ADAMTS17: variants seen among roughly 807,000 people sequenced by gnomAD.
ADAMTS17 encodes the protein ADAM metallopeptidase with thrombospondin type 1 motif 17.
Under a neutral mutation model 141.5 loss-of-function variants are expected in ADAMTS17, and 113 were observed. The ratio of observed to expected loss-of-function variants is 0.80; its 90% CI spans 0.69 to 0.93. The LOEUF (loss-of-function observed/expected upper bound fraction) is 0.93, where lower values mean the gene tolerates loss of function less well. Ranked by LOEUF, ADAMTS17 falls within the 40% of genes least tolerant of loss-of-function variation. The pLI, the probability that ADAMTS17 is intolerant of heterozygous loss-of-function variation, is 0.00. For missense variants in ADAMTS17, 1,659 were observed against 1,517.9 expected (o/e 1.09, Z -1.54); for synonymous variants, 768 against 630.6 (o/e 1.22, Z -3.27).
chr15:100,258,165 T>C (rs533606532), intron 6 of ADAMTS17, among the ~76,000 whole-genome samples: 9 of 152,376 alleles, frequency 5.9e-5, no homozygotes, highest in Admixed American at 2.6e-4. Flanking sequence ...TCATGAATAA[T>C]GTTGCTGTGA....
chr15:100,013,006 C>A lies in ADAMTS17; in HGVS notation c.2592-15417G>T, dbSNP rs566454317. Among the ~76,000 whole-genome samples the A allele has an allele frequency of 1.6e-4, 25 of 152,258 alleles. No individual in the cohort carries two copies. In the East Asian group the frequency reaches 4.8e-3, roughly 29 times the overall value. On this transcript the variant is annotated intron_variant, in intron 18 of 21. Transcript: ENST00000268070. Reference sequence around the variant, plus strand: ...GGTCATTTTCACAATATTGATTCTACCCATATGTGAGCATGGGATGTGTTT... The same window carrying A: ...GGTCATTTTCACAATATTGATTCTAACCATATGTGAGCATGGGATGTGTTT...
intron 14 of ADAMTS17, among the ~76,000 whole-genome samples, chr15:100,101,022 A>T (rs1206864248): frequency 6.6e-6 from 1 of 152,114 alleles, no homozygotes; most frequent in East Asian, 1.9e-4. Context: ...AGTTATCCAT[A>T]GCTAAGATCG....
chr15:100,161,718 G>C (rs1251384280), intron 8 of ADAMTS17, among the ~76,000 whole-genome samples: 1 of 152,172 alleles, frequency 6.6e-6, no homozygotes, highest in East Asian at 1.9e-4. Context: ...CCCCAGTCTT[G>C]AGCTACTCAG....
chr15:100,051,842 A>C, intron 16 of ADAMTS17, 111 bp from the exon 17 acceptor site: 1 of 1,381,742 alleles, frequency 7.2e-7, no homozygotes, highest in Admixed American at 1.7e-5. Flanking sequence ...AGGGGTAACC[A>C]GCTCTTTTCT....
At chr15:100,019,988 C>T (rs1052318098) in intron 18 of ADAMTS17, among the ~76,000 whole-genome samples, 1 of 93,562 alleles carries the variant, frequency 1.1e-5, no homozygotes, top group Non-Finnish European at 2.1e-5. Flanking sequence ...AGCCTCTTGT[C>T]CTAAGATTTG....
intron 12 of ADAMTS17, among the ~76,000 whole-genome samples, chr15:100,127,668 AC>A (rs1178285381): frequency 1.3e-5 from 2 of 152,052 alleles, no homozygotes; most frequent in Non-Finnish European, 2.9e-5. Flanking sequence ...TGCAAACTGC[AC>A]CTCCCGGGTA....
intron 18 of ADAMTS17, among the ~76,000 whole-genome samples, chr15:100,025,650 G>A (rs979590408): frequency 2.0e-5 from 3 of 152,076 alleles, no homozygotes; most frequent in East Asian, 1.9e-4. Context: ...CTGACCTCAG[G>A]TGATCTGCCA....
chr15:100,195,380 C>A (rs541078920), intron 8 of ADAMTS17, among the ~76,000 whole-genome samples: 96 of 152,212 alleles, frequency 6.3e-4, no homozygotes, highest in Non-Finnish European at 1.2e-3. Flanking sequence ...AGTGGTTACA[C>A]GGGAGTTAAT....
At chr15:100,004,736 T>C (rs913666543) in intron 18 of ADAMTS17, among the ~76,000 whole-genome samples, 3 of 151,170 alleles carry the variant, frequency 2.0e-5, no homozygotes, top group South Asian at 2.1e-4. Flanking sequence ...TTCTGGTGCC[T>C]CAGCCTCCTG....
At chr15:100,099,770 C>T (rs1014644319) in intron 14 of ADAMTS17, among the ~76,000 whole-genome samples, 7 of 151,820 alleles carry the variant, frequency 4.6e-5, no homozygotes, top group Admixed American at 6.6e-5. Flanking sequence ...TGGGATGGAA[C>T]GGGGGGAAAA....
intron 12 of ADAMTS17, among the ~76,000 whole-genome samples, chr15:100,121,762 C>A (rs1426678347): frequency 6.6e-6 from 1 of 151,940 alleles, no homozygotes; most frequent in African/African-American, 2.4e-5. Context: ...ACAGGCTTTT[C>A]TCCCTGGTCC....
At chr15:100,053,844 A>G (rs774588328) in intron 16 of ADAMTS17, 53 bp downstream of exon 16, 634 of 1,613,918 alleles carry the variant, frequency 3.9e-4, no homozygotes, top group Non-Finnish European at 4.8e-4. Context: ...GTAACCTAGT[A>G]GACCTCTCGG....
At chr15:100,253,174 T>C (rs530643541) in intron 7 of ADAMTS17, among the ~76,000 whole-genome samples, 34 of 151,858 alleles carry the variant, frequency 2.2e-4, no homozygotes, top group African/African-American at 7.5e-4. Context: ...AGCCTCCCGA[T>C]GAACAAAGGT....
At chr15:100,234,977 A>T (rs1474194346) in intron 7 of ADAMTS17, among the ~76,000 whole-genome samples, 1 of 152,254 alleles carries the variant, frequency 6.6e-6, no homozygotes, top group East Asian at 1.9e-4. Flanking sequence ...AAGAGGCATG[A>T]ATAAGCTGAA....
intron 15 of ADAMTS17, among the ~76,000 whole-genome samples, chr15:100,076,997 T>A (rs1726041126): frequency 6.6e-6 from 1 of 152,014 alleles, no homozygotes; most frequent in African/African-American, 2.4e-5. Flanking sequence ...TGTTTCAAAA[T>A]TTTCACTATA....
chr15:100,222,267 C>T (rs2042157396), intron 7 of ADAMTS17, among the ~76,000 whole-genome samples: 2 of 152,184 alleles, frequency 1.3e-5, no homozygotes, highest in Admixed American at 6.5e-5. Context: ...TTCATGCAGA[C>T]AGTTCTCTGC....
intron 7 of ADAMTS17, among the ~76,000 whole-genome samples, chr15:100,203,354 C>T (rs2041411887): frequency 6.6e-6 from 1 of 152,090 alleles, no homozygotes; most frequent in Non-Finnish European, 1.5e-5. Flanking sequence ...GGGAGGATCG[C>T]CTGAGGTCAG....
At chr15:100,031,003 G>A (rs368356117) in intron 18 of ADAMTS17, among the ~76,000 whole-genome samples, 12 of 152,196 alleles carry the variant, frequency 7.9e-5, no homozygotes, top group East Asian at 1.9e-4. Context: ...TTTGGCTGGC[G>A]TTCACGGAGT....
chr15:100,270,271 T>A (rs5011255), intron 4 of ADAMTS17, among the ~76,000 whole-genome samples: 97,502 of 152,086 alleles, frequency 0.64, 31,688 homozygotes, highest in East Asian at 0.84. Flanking sequence ...TGGTGCAGTT[T>A]TTCTTTTTAA....
Sources: allele counts gnomAD v4.1 joint callset (sites outside exome capture counted in the v4.1 genomes callset), GRCh38; gene constraint gnomAD v4.1.1; transcripts MANE v1.5; gene names NCBI Gene and HGNC (gene_info 2026-07-23, HGNC 2026-07-21).